Variants in TCF12 observed in about 807,000 individuals in gnomAD.
TCF12 encodes transcription factor 12, also known as DNA-binding protein HTF4.
In TCF12, 45 loss-of-function variants were observed where a neutral mutation model predicts 86.0. The ratio of observed to expected loss-of-function variants is 0.52; its 90% CI spans 0.41 to 0.67. TCF12 has a LOEUF of 0.67. TCF12 is among the 30% of genes least tolerant of loss of function. The pLI is 0.00. For synonymous variants in TCF12, 330 were observed against 299.6 expected (o/e 1.10, Z -1.05); for missense variants, 881 against 859.9 (o/e 1.02, Z -0.31).
intron 3 of TCF12, among the ~76,000 whole-genome samples, chr15:56,960,418 C>CTACT (rs1206977014): frequency 1.0e-4 from 15 of 145,578 alleles, no homozygotes; most frequent in African/African-American, 3.8e-4. Context: ...TGACCCAAGG[C>CTACT]TACTGTATTG....
chr15:57,078,673 A>G (rs74018491), intron 4 of TCF12, among the ~76,000 whole-genome samples: 12,051 of 152,218 alleles, frequency 0.079, 529 homozygotes, highest in Middle Eastern at 0.14. Flanking sequence ...AAAGATAGGT[A>G]AAAAAATAAG....
upstream of TCF12, chr15:56,918,404 G>T: frequency 2.7e-6 from 1 of 368,366 alleles, no homozygotes; most frequent in South Asian, 1.9e-5. Context: ...CTTCGTCGGC[G>T]AGCGGTCGGG....
chr15:57,058,474 G>A (rs2068203006), intron 3 of TCF12, among the ~76,000 whole-genome samples: 1 of 152,092 alleles, frequency 6.6e-6, no homozygotes, highest in African/African-American at 2.4e-5. Context: ...ATCTGTACTT[G>A]TAAATCTTTG....
intron 3 of TCF12, among the ~76,000 whole-genome samples, chr15:56,951,789 A>G (rs1275293820): frequency 6.6e-6 from 1 of 152,082 alleles, no homozygotes; most frequent in Admixed American, 6.5e-5. Context: ...AGCTGGGACT[A>G]CAGGAATGAG....
At chr15:57,279,910 G>A (rs1160824813) in intron 19 of TCF12, among the ~76,000 whole-genome samples, 2 of 109,002 alleles carry the variant, frequency 1.8e-5, no homozygotes, top group African/African-American at 3.8e-5. Flanking sequence ...TTTTTTTGGA[G>A]ACAGAGTTTT....
intron 8 of TCF12, among the ~76,000 whole-genome samples, chr15:57,198,654 T>G (rs548863302): frequency 1.2e-4 from 18 of 152,120 alleles, no homozygotes; most frequent in Non-Finnish European, 2.1e-4. Context: ...TTCTTCTCCC[T>G]TTGCTTAGAA....
chr15:57,170,753 T>C (rs1248443050), intron 6 of TCF12, among the ~76,000 whole-genome samples: 2 of 28,602 alleles, frequency 7.0e-5, no homozygotes, highest in East Asian at 2.1e-3. Flanking sequence ...TATTATATAT[T>C]ATATATTATA....
intron 8 of TCF12, among the ~76,000 whole-genome samples, chr15:57,198,926 C>G (rs2057400477): frequency 6.6e-6 from 1 of 152,058 alleles, no homozygotes. Context: ...GGTTGTCTGC[C>G]TTCCTTCTTT....
chr15:56,990,799 C>CTTT (rs59425097), intron 3 of TCF12, among the ~76,000 whole-genome samples: 2 of 148,414 alleles, frequency 1.3e-5, no homozygotes, highest in South Asian at 2.1e-4. Context: ...TTTTCTTTTT[C>CTTT]TTTTTTTTTT....
chr15:57,048,451 C>T (rs536539284), intron 3 of TCF12, among the ~76,000 whole-genome samples: 3 of 152,074 alleles, frequency 2.0e-5, no homozygotes, highest in East Asian at 1.9e-4. Context: ...TTAGTAGGGG[C>T]GGGGTTTCAC....
rs531054913 is a variant in TCF12 at position 57,167,611 on chromosome 15, G to A, written c.390+1145G>A. 1.6e-4 allele frequency among the ~76,000 whole-genome samples: 25 copies of A among 151,992 alleles called. 1 individual carries two copies. Among genetic ancestry groups the A allele is most frequent in the South Asian group, 1.0e-3 (5 of 4,814 alleles). On this transcript the variant is annotated intron_variant, in intron 6 of 20. Coordinates refer to ENST00000333725, the MANE Select transcript of TCF12 (RefSeq NM_207037.2). Reference sequence around the variant, plus strand: ...GGAGGGAAGAGAAGGAAGGGAGAAGGAAAGGAAGAAAGAGAGAGAGAAAAT... The same window carrying A: ...GGAGGGAAGAGAAGGAAGGGAGAAGAAAAGGAAGAAAGAGAGAGAGAAAAT...
At chr15:56,971,587 G>A (rs1808176593) in intron 3 of TCF12, among the ~76,000 whole-genome samples, 1 of 152,106 alleles carries the variant, frequency 6.6e-6, no homozygotes, top group African/African-American at 2.4e-5. Context: ...TAGTTGGGGG[G>A]CTTAGAATTT....
intron 3 of TCF12, among the ~76,000 whole-genome samples, chr15:56,949,631 C>T (rs1405813912): frequency 1.3e-5 from 2 of 152,160 alleles, no homozygotes; most frequent in Non-Finnish European, 2.9e-5. Context: ...CTTTATTTAA[C>T]CAACATTTAC....
chr15:57,098,630 C>A (rs1438489258), intron 5 of TCF12, among the ~76,000 whole-genome samples: 2 of 152,164 alleles, frequency 1.3e-5, no homozygotes, highest in African/African-American at 4.8e-5. Context: ...CGAATAAATT[C>A]TTACAGACAT....
At chr15:57,133,299 A>G (rs1161104070) in intron 5 of TCF12, among the ~76,000 whole-genome samples, 1 of 152,220 alleles carries the variant, frequency 6.6e-6, no homozygotes, top group African/African-American at 2.4e-5. Context: ...CCTGCCGTGT[A>G]AAGTCAGTTG....
At chr15:56,945,502 G>C (rs1014511793) in intron 3 of TCF12, among the ~76,000 whole-genome samples, 1 of 151,652 alleles carries the variant, frequency 6.6e-6, no homozygotes, top group African/African-American at 2.4e-5. Context: ...GCTTTTGAAG[G>C]ATATTTTTGC....
At position 57,160,441 on chromosome 15, in the gene TCF12, C is replaced by T. The variant is rs145492838; in HGVS notation, c.326-5961C>T. On this transcript the variant is annotated intron_variant, in intron 5 of 20. Coordinates refer to ENST00000333725, the MANE Select transcript of TCF12 (RefSeq NM_207037.2). ...ACCTCCCACCAGGTCCCTCCCACGA[C>T]GTGGGGATTATGGAAACTACAGTTC... Among the ~76,000 whole-genome samples the T allele has an allele frequency of 2.3e-3, 344 of 152,274 alleles. 1 individual carries two copies. The highest frequency in any genetic ancestry group is 8.0e-3 in the African/African-American group (332 of 41,550).
At chr15:56,973,955 T>C (rs1691292395) in intron 3 of TCF12, among the ~76,000 whole-genome samples, 1 of 152,172 alleles carries the variant, frequency 6.6e-6, no homozygotes, top group Non-Finnish European at 1.5e-5. Context: ...TTCTACAAGA[T>C]AACTGAGAAG....
intron 8 of TCF12, among the ~76,000 whole-genome samples, chr15:57,198,334 G>T (rs1398719835): frequency 2.0e-5 from 3 of 152,156 alleles, no homozygotes; most frequent in Non-Finnish European, 4.4e-5. Context: ...TGAAGCCCTT[G>T]TGGGTTTTAA....
Sources: gnomAD v4.1 joint callset for allele counts (sites outside exome capture counted in the v4.1 genomes callset) on GRCh38, gnomAD v4.1.1 for gene constraint, MANE v1.5 for transcripts, NCBI Gene and HGNC (gene_info 2026-07-23, HGNC 2026-07-21) for gene names.